Variants in CRH observed in about 807,000 individuals in gnomAD.
The protein encoded by CRH is corticotropin releasing hormone.
CRH carries 6 observed loss-of-function variants against 11.1 expected under a neutral mutation model. The observed-to-expected ratio is 0.54, with a 90% CI of 0.30 to 1.07. CRH has a LOEUF of 1.07. CRH is among the 50% of genes least tolerant of loss of function. The pLI is 0.07. For missense variants in CRH, 289 were observed against 269.4 expected (o/e 1.07, Z -0.51); for synonymous variants, 155 against 132.0 (o/e 1.17, Z -1.19).
intron 1 of CRH, among the ~76,000 whole-genome samples, chr8:66,177,769 C>G (rs920376570): frequency 2.0e-5 from 3 of 152,262 alleles, no homozygotes; most frequent in African/African-American, 7.2e-5. Context: ...AAGGACGGTC[C>G]CTGCGTCCTC....
At chr8:66,177,641 T>A (rs1418420369) in intron 1 of CRH, 150 bp from the exon 2 acceptor site, 7 of 1,185,486 alleles carry the variant, frequency 5.9e-6, no homozygotes, top group South Asian at 1.7e-5. Context: ...GTGATTCGGA[T>A]GGGCGCTGTC....
At chr8:66,177,635 T>G (rs28364018) in intron 1 of CRH, 144 bp from the exon 2 acceptor site, 48,485 of 1,210,714 alleles carry the variant, frequency 0.04, 1,105 homozygotes, top group Middle Eastern at 0.064. Flanking sequence ...GCCTCAGTGA[T>G]TCGGATGGGC....
chr8:66,177,506 T>TGGGCGGA lies in CRH; in HGVS notation c.-14-22_-14-16dup. On this transcript the variant is annotated splice_polypyrimidine_tract_variant and intron_variant, in intron 1 of 1. Coordinates refer to ENST00000276571, the MANE Select transcript of CRH (RefSeq NM_000756.4). ...AGGGGCACTCGCTGCGGCACAGAGGTGGGCGGAGGGCGGAATGAGAGAGGG... is the reference window on the plus strand; with the variant it reads ...AGGGGCACTCGCTGCGGCACAGAGGTGGGCGGAGGGCGGAGGGCGGAATGAGAGAGGG... 1 of 1,520,038 alleles carries TGGGCGGA rather than the reference T, an allele frequency of 6.6e-7. No individual in the cohort carries two copies. Among genetic ancestry groups the TGGGCGGA allele is most frequent in the South Asian group, 1.2e-5 (1 of 81,374 alleles). The allele number at this position is 1,520,038 out of a possible 1,614,324, so 94.2% of individuals were successfully genotyped here.
rs993263686 is a variant in CRH at position 66,176,394 on chromosome 8, C to T, written c.*493G>A. 6.6e-6 allele frequency: 1 copy of T among 152,226 alleles called. No homozygotes were observed. The highest frequency in any genetic ancestry group is 6.5e-5 in the Admixed American group (1 of 15,288). 9.4% of individuals were successfully genotyped at this position (152,226 alleles called of 1,614,324 possible). A position where few individuals can be genotyped will look rare whatever the true frequency, so the allele number is the denominator to read the frequency against. On this transcript the variant is annotated 3_prime_UTR_variant, in exon 2 of 2. Coordinates refer to ENST00000276571, the MANE Select transcript of CRH (RefSeq NM_000756.4). Reference sequence around the variant, plus strand: ...AGTAAAGTCATGATTACCTTTGCAACTTTTATTAAAAATATAAGTATTCAA... The same window carrying T: ...AGTAAAGTCATGATTACCTTTGCAATTTTTATTAAAAATATAAGTATTCAA...
At chr8:66,177,640 A>G (rs999994604) in intron 1 of CRH, 149 bp from the exon 2 acceptor site, 5 of 1,186,452 alleles carry the variant, frequency 4.2e-6, no homozygotes, top group Middle Eastern at 5.9e-4. Context: ...AGTGATTCGG[A>G]TGGGCGCTGT....
Position 66,176,763 on chromosome 8 carries a change from T to A in CRH, c.*124A>T. The A allele has an allele frequency of 1.6e-6, 2 of 1,252,672 alleles. No homozygotes were observed. Among genetic ancestry groups the A allele is most frequent in the Non-Finnish European group, 2.1e-6 (2 of 939,364 alleles). The allele number at this position is 1,252,672 out of a possible 1,614,324, so 77.6% of individuals were successfully genotyped here. A position where few individuals can be genotyped will look rare whatever the true frequency, so the allele number is the denominator to read the frequency against. ...GGTATAGGCTCTCTCCCTCTCTCCC[T>A]CTATGTTTCAAGCTATATAAAAATA... On this transcript the variant is annotated 3_prime_UTR_variant, in exon 2 of 2. Transcript: ENST00000276571.
Position 66,177,226 on chromosome 8 carries a change from G to C in CRH, c.252C>G (p.Ala84=), listed in dbSNP as rs989711323. The change falls in exon 2 of 2, where the codon GCC becomes GCG. Residue 84 remains alanine (A), a synonymous_variant. Coordinates refer to ENST00000276571, the MANE Select transcript of CRH (RefSeq NM_000756.4). ...LRLGNLNKSP[A]APLSPASSLL... The stretch of plus-strand genomic sequence containing the variant: ...GCGAGGAGGCGGGCGAAAGGGGAGC[G>C]GCCGGGCTCTTGTTGAGGTTCCCCA... 2 of 1,541,136 alleles carry C rather than the reference G, an allele frequency of 1.3e-6. No homozygotes were observed. The highest frequency in any genetic ancestry group is 2.7e-5 in the African/African-American group (2 of 73,032).
intron 1 of CRH, 75 bp from the exon 2 acceptor site, chr8:66,177,566 C>T: frequency 1.4e-6 from 2 of 1,472,918 alleles, no homozygotes. Flanking sequence ...AGAGTTCGCT[C>T]AGCTGGGAGG....
In CRH at chr8:66,177,366, G is replaced by T; in HGVS notation, c.112C>A (p.Pro38Thr). The change falls in exon 2 of 2, where the codon CCG becomes ACG. Residue 38 changes from proline (P) to threonine (T), a missense_variant. Pro to Thr is a conservative substitution (Grantham distance 38). This residue lies in a region of CRH where 261 missense variants were observed against 219.0 expected (regional missense o/e 1.19). Transcript: ENST00000276571. Reference protein sequence around the residue: ...RGPVPGARQAPQHPQPLDFFQ... With the variant: ...RGPVPGARQATQHPQPLDFFQ... ...AAATCCAAGGGCTGAGGGTGCTGCG[G>T]CGCCTGCCGAGCTCCCGGGACCGGC... 1 of 1,543,762 alleles carries T rather than the reference G, an allele frequency of 6.5e-7. No individual in the cohort carries two copies.
rs750758925 is a variant in CRH at position 66,177,149 on chromosome 8, T to C, written c.329A>G (p.Asn110Ser). The change falls in exon 2 of 2, where the codon AAC (asparagine) becomes AGC (serine). Residue 110 changes from asparagine to serine, a missense_variant. By Grantham distance (46) the Asn-to-Ser change is conservative (BLOSUM62 1). Around this residue, in one of 2 missense-constraint regions of CRH, gnomAD observed 261 missense variants for 219.0 expected, o/e 1.19. Coordinates refer to ENST00000276571, the MANE Select transcript of CRH (RefSeq NM_000756.4). ...CTGCTGCAGCAACACGCGGAAAAAG[T>C]TGGCGGTCGCCTGTTCCGGCGAAGG... Reference protein sequence around the residue: ...SRPSPEQATANFFRVLLQQLL... With the variant: ...SRPSPEQATASFFRVLLQQLL... 2.5e-4 allele frequency: 379 copies of C among 1,545,928 alleles called. No individual in the cohort carries two copies. The highest frequency in any genetic ancestry group is 3.1e-4 in the Non-Finnish European group (356 of 1,146,462).
Position 66,176,535 on chromosome 8 carries a change from A to T in CRH, c.*352T>A, listed in dbSNP as rs1210234079. 5 of 162,528 alleles carry T rather than the reference A, an allele frequency of 3.1e-5. No homozygotes were observed. Among genetic ancestry groups the T allele is most frequent in the Non-Finnish European group, 6.6e-5 (5 of 75,422 alleles). The allele number at this position is 162,528 out of a possible 1,614,324, so 10.1% of individuals were successfully genotyped here. ...AGATTTAGTCTTACCCACCCAAGAG[A>T]ATGGCATTCTCTTTGGCTCAGACCA... On this transcript the variant is annotated 3_prime_UTR_variant, in exon 2 of 2. Transcript: ENST00000276571.
At position 66,177,148 on chromosome 8, in the gene CRH, G is replaced by A; in HGVS notation, c.330C>T (p.Asn110=). ...SRPSPEQATA[N]FFRVLLQQLL... ...GCTGCTGCAGCAACACGCGGAAAAA[G>A]TTGGCGGTCGCCTGTTCCGGCGAAG... The change falls in exon 2 of 2, where the codon AAC becomes AAT. Residue 110 remains asparagine (N), a synonymous_variant. Transcript: ENST00000276571. 1 of 1,546,076 alleles carries A rather than the reference G, an allele frequency of 6.5e-7. No individual in the cohort carries two copies. The highest frequency in any genetic ancestry group is 8.7e-7 in the Non-Finnish European group (1 of 1,146,466).
At position 66,176,863 on chromosome 8, in the gene CRH, T is replaced by C. The variant is rs1811906724; in HGVS notation, c.*24A>G. Reference sequence around the variant, plus strand: ...AAATTTTTTTTGTGCTAAATGCAGATTCTTTTTGGCCAAACGCACCGTTTT... The same window carrying C: ...AAATTTTTTTTGTGCTAAATGCAGACTCTTTTTGGCCAAACGCACCGTTTT... On this transcript the variant is annotated 3_prime_UTR_variant, in exon 2 of 2. Coordinates refer to ENST00000276571, the MANE Select transcript of CRH (RefSeq NM_000756.4). The C allele has an allele frequency of 6.4e-7, 1 of 1,568,326 alleles. No individual in the cohort carries two copies. The highest frequency in any genetic ancestry group is 8.6e-7 in the Non-Finnish European group (1 of 1,157,220).
At position 66,176,961 on chromosome 8, in the gene CRH, C is replaced by T. The variant is rs1486580371; in HGVS notation, c.517G>A (p.Glu173Lys). 4 of 1,614,176 alleles carry T rather than the reference C, an allele frequency of 2.5e-6. No homozygotes were observed. The South Asian group carries it at 4.4e-5, about 18-fold the overall frequency. Reference protein sequence around the residue: ...LTFHLLREVLEMARAEQLAQQ... With the variant: ...LTFHLLREVLKMARAEQLAQQ... ...GCTAACTGCTCGGCCCTGGCCATTT[C>T]CAAGACTTCCCGGAGGAGGTGGAAG... Residue 173 changes from glutamate to lysine, a missense_variant, in exon 2 of 2, where the codon GAA becomes AAA. Coordinates refer to ENST00000276571, the MANE Select transcript of CRH (RefSeq NM_000756.4).
At position 66,176,898 on chromosome 8, in the gene CRH, T is replaced by C; in HGVS notation, c.580A>G (p.Ile194Val). Reference protein sequence around the residue: ...AHSNRKLMEIIGK With the variant: ...AHSNRKLMEIVGK ...CCAAACGCACCGTTTTATTTCCCAA[T>C]AATCTCCATGAGTTTCCTGTTGCTG... Residue 194 changes from isoleucine (I) to valine (V), a missense_variant, in exon 2 of 2, where the codon ATT becomes GTT. Ile to Val is a conservative substitution (Grantham distance 29). Coordinates refer to ENST00000276571, the MANE Select transcript of CRH (RefSeq NM_000756.4). The C allele has an allele frequency of 6.3e-7, 1 of 1,592,472 alleles. No individual in the cohort carries two copies. The highest frequency in any genetic ancestry group is 1.1e-5 in the South Asian group (1 of 87,800).
In CRH at chr8:66,177,055, G is replaced by C; in HGVS notation, c.423C>G (p.Leu141=). The C allele has an allele frequency of 1.2e-6, 2 of 1,611,248 alleles. No homozygotes were observed. The highest frequency in any genetic ancestry group is 2.2e-5 in the South Asian group (2 of 90,704). The change falls in exon 2 of 2, where the codon CTC becomes CTG. Residue 141 remains leucine (L), a synonymous_variant. Transcript: ENST00000276571. Reference sequence around the variant, plus strand: ...TCTCCGGTGCCTCCTGGTGGCCGCCGAGGGCATTCCTAGCGCCGCGCTCCG... The same window carrying C: ...TCTCCGGTGCCTCCTGGTGGCCGCCCAGGGCATTCCTAGCGCCGCGCTCCG... The part of the protein sequence containing the change: ...ALAERGARNA[L]GGHQEAPERE...
chr8:66,177,323 T>C lies in CRH; in HGVS notation c.155A>G (p.Gln52Arg). 6.4e-7 allele frequency: 1 copy of C among 1,555,288 alleles called. No homozygotes were observed. Among genetic ancestry groups the C allele is most frequent in the Non-Finnish European group, 8.7e-7 (1 of 1,155,138 alleles). The change falls in exon 2 of 2, where the codon CAG (glutamine) becomes CGG (arginine). Residue 52 changes from glutamine (Q) to arginine (R), a missense_variant. By Grantham distance (43) the Gln-to-Arg change is conservative (BLOSUM62 1). Transcript: ENST00000276571. ...QPLDFFQPPP[Q>R]SEQPQQPQAR... ...CTGCGGCTGCTGGGGCTGCTCGGAC[T>C]GCGGCGGCGGCTGGAAGAAATCCAA...
At position 66,177,019 on chromosome 8, in the gene CRH, C is replaced by T. The variant is rs1329968695; in HGVS notation, c.459G>A (p.Arg153=). Residue 153 remains arginine (R), a synonymous_variant, in exon 2 of 2, where the codon CGG becomes CGA. Transcript: ENST00000276571. ...CCAGGGAGATGGGAGGCTCCTCGGA[C>T]CGCCTTTCTCTCTCCGGTGCCTCCT... ...GHQEAPERER[R]SEEPPISLDL... is the part of the protein sequence containing the mutation. 6.2e-7 allele frequency: 1 copy of T among 1,614,044 alleles called. No individual in the cohort carries two copies. The highest frequency in any genetic ancestry group is 1.1e-5 in the South Asian group (1 of 91,038).
At chr8:66,177,614 G>T in intron 1 of CRH, 123 bp from the exon 2 acceptor site, 1 of 1,326,130 alleles carries the variant, frequency 7.5e-7, no homozygotes, top group Non-Finnish European at 9.9e-7. Context: ...CCTTAGACGT[G>T]CTGGGCTTTG....
Sources: gnomAD v4.1 joint callset for allele counts (sites outside exome capture counted in the v4.1 genomes callset) on GRCh38, gnomAD v4.1.1 for gene constraint, gnomAD v4.1.1 regional missense constraint, MANE v1.5 for transcripts, NCBI Gene and HGNC (gene_info 2026-07-23, HGNC 2026-07-21) for gene names.